Variants in TAFA5 observed in about 807,000 individuals in gnomAD.
TAFA5 encodes chemokine-like protein TAFA-5.
A neutral mutation model predicts 15.3 loss-of-function variants in TAFA5; 6 were observed. The ratio of observed to expected loss-of-function variants is 0.39; its 90% confidence interval spans 0.21 to 0.77. The LOEUF is 0.77. TAFA5 is among the 30% of genes least tolerant of loss of function. The probability of loss-of-function intolerance (pLI) is 0.41; values close to 1 mark genes in which losing one functional copy is unlikely to be tolerated. For synonymous variants in TAFA5, 103 were observed against 80.7 expected (o/e 1.28, Z -1.48); for missense variants, 161 against 193.1 (o/e 0.83, Z 0.98).
At chr22:48,576,314 A>G in intron 1 of TAFA5, 1 of 1,071,270 alleles carries the variant, frequency 9.3e-7, no homozygotes, top group African/African-American at 1.7e-5. Flanking sequence ...AGAAAGACAC[A>G]AATCGCCTCC....
At chr22:48,673,422 G>A (rs1927864213) in intron 2 of TAFA5, among the ~76,000 whole-genome samples, 1 of 152,190 alleles carries the variant, frequency 6.6e-6, no homozygotes, top group Non-Finnish European at 1.5e-5. Context: ...TCGCTTTCTG[G>A]ACAACAGAGG....
chr22:48,646,867 A>G (rs1347056453), intron 2 of TAFA5, 121 bp downstream of exon 2: 9 of 1,272,044 alleles, frequency 7.1e-6, no homozygotes, highest in Non-Finnish European at 7.4e-6. Flanking sequence ...TCCTCGGGTC[A>G]GGCCCCTGGC....
intron 2 of TAFA5, among the ~76,000 whole-genome samples, chr22:48,707,149 G>A (rs130137): frequency 6.6e-6 from 1 of 151,536 alleles, no homozygotes; most frequent in Non-Finnish European, 1.5e-5. Context: ...GGGGTCAGCC[G>A]GGCATCTGCA....
chr22:48,650,184 T>G (rs1162288439), intron 2 of TAFA5, among the ~76,000 whole-genome samples: 2 of 152,194 alleles, frequency 1.3e-5, no homozygotes, highest in African/African-American at 4.8e-5. Context: ...GTGTTGGAAT[T>G]GAATGTGAGT....
At position 48,730,029 on chromosome 22, in the gene TAFA5, T is replaced by G. The variant is rs62225026; in HGVS notation, c.391-19810T>G. On this transcript the variant is annotated intron_variant, in intron 3 of 3. Coordinates refer to ENST00000402357, the MANE Select transcript of TAFA5 (RefSeq NM_001082967.3). The stretch of plus-strand genomic sequence containing the variant: ...TGCATCCTCTGGTGTTAGTACTGCA[T>G]GGCACACACATTGCTCACACCTACA... 2.0e-5 allele frequency among the ~76,000 whole-genome samples: 3 copies of G among 152,114 alleles called. No homozygotes were observed. The East Asian group carries it at 5.8e-4, about 29-fold the overall frequency.
At chr22:48,622,421 A>T (rs738688) in intron 1 of TAFA5, among the ~76,000 whole-genome samples, 130,839 of 152,216 alleles carry the variant, frequency 0.86, 56,708 homozygotes, top group East Asian at 1. Flanking sequence ...CATTCCAGAC[A>T]CTTGCAGTGG....
At chr22:48,726,962 G>A (rs916107390) in intron 3 of TAFA5, among the ~76,000 whole-genome samples, 7 of 152,154 alleles carry the variant, frequency 4.6e-5, no homozygotes, top group Non-Finnish European at 1.0e-4. Flanking sequence ...CCCTAGCTCA[G>A]AGCACACATT....
intron 1 of TAFA5, among the ~76,000 whole-genome samples, chr22:48,613,395 GC>G (rs796552984): frequency 6.6e-6 from 1 of 152,252 alleles, no homozygotes; most frequent in African/African-American, 2.4e-5. Context: ...CTGTCATCCA[GC>G]CCACTGTGGA....
chr22:48,507,250 G>GTA (rs1921029645), intron 1 of TAFA5, among the ~76,000 whole-genome samples: 1 of 150,704 alleles, frequency 6.6e-6, no homozygotes, highest in Non-Finnish European at 1.5e-5. Context: ...CAAGGGCCAG[G>GTA]TGTGCAGTTG....
intron 1 of TAFA5, among the ~76,000 whole-genome samples, chr22:48,578,904 G>A (rs966332676): frequency 3.3e-5 from 5 of 152,230 alleles, no homozygotes; most frequent in Non-Finnish European, 7.3e-5. Context: ...GGCTCGGCCT[G>A]GGGCCACTCT....
At chr22:48,728,273 A>C (rs974969520) in intron 3 of TAFA5, among the ~76,000 whole-genome samples, 2 of 152,220 alleles carry the variant, frequency 1.3e-5, no homozygotes, top group Non-Finnish European at 2.9e-5. Flanking sequence ...TACACCAAAA[A>C]ATAAAAGCCT....
chr22:48,733,760 G>A (rs1053394981), intron 3 of TAFA5, among the ~76,000 whole-genome samples: 3 of 152,238 alleles, frequency 2.0e-5, no homozygotes, highest in East Asian at 1.9e-4. Context: ...AGGCCCATCC[G>A]TTCGTGTGTT....
In TAFA5 at chr22:48,513,406, G is replaced by C. The variant is rs114347165; in HGVS notation, c.112+23702G>C. On this transcript the variant is annotated intron_variant, in intron 1 of 3. Coordinates refer to ENST00000402357, the MANE Select transcript of TAFA5 (RefSeq NM_001082967.3). ...GAGGGCTCATCGCATGTGCAGAGTT[G>C]AGTGCAGCTCCTTCCTGTCACTCAG... 2.8e-3 allele frequency among the ~76,000 whole-genome samples: 419 copies of C among 152,344 alleles called. 2 individuals are homozygous for C. The highest frequency in any genetic ancestry group is 9.2e-3 in the African/African-American group (381 of 41,578).
At chr22:48,499,256 C>A (rs976112143) in intron 1 of TAFA5, among the ~76,000 whole-genome samples, 14 of 152,208 alleles carry the variant, frequency 9.2e-5, no homozygotes, top group Non-Finnish European at 1.3e-4. Flanking sequence ...CATTTAGAGG[C>A]AATCAAACAC....
At chr22:48,669,611 G>T (rs533006088) in intron 2 of TAFA5, among the ~76,000 whole-genome samples, 5 of 152,352 alleles carry the variant, frequency 3.3e-5, no homozygotes, top group African/African-American at 9.6e-5. Context: ...ACGAGAGGAT[G>T]CCTTCTCCAT....
intron 3 of TAFA5, among the ~76,000 whole-genome samples, chr22:48,710,667 G>A (rs6010597): frequency 0.35 from 53,083 of 152,150 alleles, 9,609 homozygotes; most frequent in East Asian, 0.55. Context: ...ACGGGAGGCA[G>A]TGAGCCCCCC....
In TAFA5 at chr22:48,542,154, T is replaced by TG. The variant is rs398121894; in HGVS notation, c.112+52456dup. 1.1e-3 allele frequency among the ~76,000 whole-genome samples: 115 copies of TG among 104,800 alleles called. 1 individual carries two copies. The highest frequency in any genetic ancestry group is 6.8e-3 in the Middle Eastern group (1 of 146). The allele number at this position is 104,800 out of a possible 152,430, so 68.8% of individuals were successfully genotyped here. ...TGATGTGTATGTGTGTGTGTGGGTG[T>TG]GGGGGGTGTGTGTGCATGTGTGATG... On this transcript the variant is annotated intron_variant, in intron 1 of 3. Coordinates refer to ENST00000402357, the MANE Select transcript of TAFA5 (RefSeq NM_001082967.3).
intron 1 of TAFA5, among the ~76,000 whole-genome samples, chr22:48,520,212 T>C (rs1921555720): frequency 6.6e-6 from 1 of 152,260 alleles, no homozygotes; most frequent in Admixed American, 6.5e-5. Flanking sequence ...TGTGGACTTC[T>C]GGCCCAGAAC....
chr22:48,568,101 A>T (rs894930381), intron 1 of TAFA5, among the ~76,000 whole-genome samples: 3 of 152,136 alleles, frequency 2.0e-5, no homozygotes, highest in African/African-American at 4.8e-5. Flanking sequence ...AAACAGCCAA[A>T]CCCTGGGCCA....
Sources: allele counts gnomAD v4.1 joint callset (sites outside exome capture counted in the v4.1 genomes callset), GRCh38; gene constraint gnomAD v4.1.1; transcripts MANE v1.5; gene names NCBI Gene and HGNC (gene_info 2026-07-23, HGNC 2026-07-21).